The following PLA2G4C variants were observed in gnomAD, a reference collection of about 807,000 sequenced individuals.
PLA2G4C encodes cytosolic phospholipase A2 gamma.
PLA2G4C carries 64 observed loss-of-function variants against 73.8 expected under a neutral mutation model. The ratio of observed to expected loss-of-function variants is 0.87; its 90% CI spans 0.71 to 1.07. The LOEUF (loss-of-function observed/expected upper bound fraction) is 1.07. Ranked by LOEUF, PLA2G4C falls within the 50% of genes least tolerant of loss-of-function variation. PLA2G4C has a pLI of 0.00. For missense variants in PLA2G4C, 622 were observed against 665.4 expected, an observed-to-expected ratio of 0.93 and a Z score of 0.72; for synonymous variants, 254 against 252.1, an observed-to-expected ratio of 1.01 and a Z score of -0.07.
At chr19:48,066,565 G>C (rs893933052) in intron 13 of PLA2G4C, among the ~76,000 whole-genome samples, 1 of 152,052 alleles carries the variant, frequency 6.6e-6, no homozygotes, top group African/African-American at 2.4e-5. Flanking sequence ...TGGCCAGGGG[G>C]GCACATTTTG....
chr19:48,058,088 C>T (rs140582349), intron 14 of PLA2G4C, among the ~76,000 whole-genome samples: 6,809 of 151,558 alleles, frequency 0.045, 161 homozygotes, highest in Middle Eastern at 0.097. Flanking sequence ...CACCTGAGGT[C>T]GGGAGTTCAA....
At chr19:48,083,392 C>CTTTTTTTTTTTTTTTTTTTTTTTTTTTTT in intron 10 of PLA2G4C, among the ~76,000 whole-genome samples, 1 of 105,836 alleles carries the variant, frequency 9.4e-6, no homozygotes, top group African/African-American at 3.6e-5. Flanking sequence ...ATTTTCTTTT[C>CTTTTTTTTTTTTTTTTTTTTTTTTTTTTT]TTTTTTTTTT....
chr19:48,048,466 G>GTA, intron 16 of PLA2G4C, 78 bp from the exon 17 acceptor site: 1 of 982,122 alleles, frequency 1.0e-6, no homozygotes, highest in Non-Finnish European at 1.5e-6. Flanking sequence ...TAGAAGACCT[G>GTA]GAAGCCTCTA....
At chr19:48,073,381 G>A (rs551064957) in intron 12 of PLA2G4C, among the ~76,000 whole-genome samples, 2 of 152,164 alleles carry the variant, frequency 1.3e-5, no homozygotes, top group East Asian at 3.9e-4. Flanking sequence ...GTCGGGGATG[G>A]ACTTGCCTGT....
rs189497922 is a variant in PLA2G4C, at chr19:48,099,786, C to T, written c.332G>A (p.Arg111Gln). 120 of 1,613,804 alleles carry T rather than the reference C, an allele frequency of 7.4e-5. 1 individual carries two copies. The highest frequency in any genetic ancestry group is 3.3e-4 in the Middle Eastern group (2 of 6,056). ...LEADLKHRFT[R>Q]QEWDLAKSLQ... ...GCTCTTAGCCAAGTCCCACTCCTGT[C>T]GGGTAAATCGATGTTTCAGGTCAGC... The change falls in exon 5 of 17, where the codon CGA becomes CAA. Residue 111 changes from arginine (R) to glutamine (Q), a missense_variant. Physicochemically the swap from Arg to Gln is conservative, Grantham distance 43. Transcript: ENST00000599921.
At chr19:48,082,496 C>CTTTTTTTTTTTT (rs66641645) in intron 10 of PLA2G4C, among the ~76,000 whole-genome samples, 48 of 106,274 alleles carry the variant, frequency 4.5e-4, no homozygotes, top group African/African-American at 1.1e-3. Context: ...TTCTTTCTTT[C>CTTTTTTTTTTTT]TTTTTTTTTT....
chr19:48,094,121 A>T (rs760053556), intron 7 of PLA2G4C, among the ~76,000 whole-genome samples: 2 of 152,108 alleles, frequency 1.3e-5, no homozygotes, highest in Non-Finnish European at 2.9e-5. Flanking sequence ...TCTGTCCATG[A>T]TGCTTTTCCT....
rs1491313107 is a variant in PLA2G4C, at chr19:48,101,126, A to ATATTTTT, written c.258-1267_258-1266insAAAAATA. Among the ~76,000 whole-genome samples the ATATTTTT allele has an allele frequency of 8.2e-3, 604 of 74,076 alleles. 16 individuals are homozygous for ATATTTTT. The highest frequency in any genetic ancestry group is 0.031 in the African/African-American group (483 of 15,542). 48.6% of individuals were successfully genotyped at this position (74,076 alleles called of 152,430 possible). On this transcript the variant is annotated intron_variant, in intron 4 of 16. Coordinates refer to ENST00000599921, the MANE Select transcript of PLA2G4C (RefSeq NM_003706.3). ...AGTCTATATATATATATATATATAT[A>ATATTTTT]TTTTTTTTTTTTTTTTTGAGACAGG...
chr19:48,092,081 T>C (rs1426887830), intron 7 of PLA2G4C, among the ~76,000 whole-genome samples: 1 of 151,766 alleles, frequency 6.6e-6, no homozygotes, highest in Admixed American at 6.6e-5. Flanking sequence ...TTTTTTTTTT[T>C]TGAGATAGCC....
At chr19:48,064,567 G>C (rs898554362) in intron 13 of PLA2G4C, among the ~76,000 whole-genome samples, 3 of 152,166 alleles carry the variant, frequency 2.0e-5, no homozygotes, top group Admixed American at 2.0e-4. Context: ...AGTCTGTTTA[G>C]TAAACATTAT....
chr19:48,107,495 G>A (rs1312117013), intron 1 of PLA2G4C, among the ~76,000 whole-genome samples: 2 of 152,180 alleles, frequency 1.3e-5, no homozygotes, highest in Admixed American at 6.5e-5. Flanking sequence ...TGCCCGAATA[G>A]GGCCACTAGA....
intron 12 of PLA2G4C, among the ~76,000 whole-genome samples, chr19:48,069,879 C>T (rs1225098854): frequency 1.3e-5 from 2 of 152,196 alleles, no homozygotes; most frequent in Non-Finnish European, 2.9e-5. Context: ...ATTCTCCTGC[C>T]TCAGCCTCCC....
At chr19:48,055,250 A>G (rs1242078241) in intron 14 of PLA2G4C, among the ~76,000 whole-genome samples, 1 of 151,618 alleles carries the variant, frequency 6.6e-6, no homozygotes, top group Non-Finnish European at 1.5e-5. Flanking sequence ...CAGCCCACCT[A>G]GAGACAACAT....
chr19:48,071,686 C>A (rs985516203), intron 12 of PLA2G4C, among the ~76,000 whole-genome samples: 1 of 152,096 alleles, frequency 6.6e-6, no homozygotes, highest in African/African-American at 2.4e-5. Context: ...TGGCCTCAAG[C>A]GACCCTCCCG....
At chr19:48,098,338 T>A in intron 5 of PLA2G4C, 79 bp from the exon 6 acceptor site, 1 of 1,379,630 alleles carries the variant, frequency 7.2e-7, no homozygotes, top group Non-Finnish European at 9.8e-7. Flanking sequence ...TAGGCCACAT[T>A]TTTTTTTAGA....
At position 48,110,777 on chromosome 19, in the gene PLA2G4C, C is replaced by G; in HGVS notation, c.-323G>C. 2.5e-6 allele frequency: 1 copy of G among 398,612 alleles called. No homozygotes were observed. 24.7% of individuals were successfully genotyped at this position (398,612 alleles called of 1,614,324 possible). A position where few individuals can be genotyped will look rare whatever the true frequency, so the allele number is the denominator to read the frequency against. On this transcript the variant is annotated 5_prime_UTR_variant, in exon 1 of 17. Coordinates refer to ENST00000599921, the MANE Select transcript of PLA2G4C (RefSeq NM_003706.3). ...CCCTGCGCCTTTAAACAGCCCTCCT[C>G]GGCTTGTAGGCCCTGCTTGGTTGCT... is the stretch of plus-strand genomic sequence containing the variant.
intron 1 of PLA2G4C, among the ~76,000 whole-genome samples, chr19:48,107,659 G>C (rs764198989): frequency 1.3e-5 from 2 of 152,114 alleles, no homozygotes; most frequent in Admixed American, 1.3e-4. Context: ...ACCGCCTCCT[G>C]TGGAGGGCCT....
At chr19:48,104,816 C>T in intron 3 of PLA2G4C, 92 bp from the exon 4 acceptor site, 1 of 1,290,042 alleles carries the variant, frequency 7.8e-7, no homozygotes. Flanking sequence ...GGCACCGTGG[C>T]TCACGCCTGT....
intron 7 of PLA2G4C, among the ~76,000 whole-genome samples, chr19:48,093,836 C>T (rs2031435475): frequency 6.6e-6 from 1 of 152,136 alleles, no homozygotes; most frequent in African/African-American, 2.4e-5. Context: ...ATGCTGTACT[C>T]GTGATAGCGA....
Sources: gnomAD v4.1 joint callset for allele counts (sites outside exome capture counted in the v4.1 genomes callset) on GRCh38, gnomAD v4.1.1 for gene constraint, MANE v1.5 for transcripts, NCBI Gene and HGNC (gene_info 2026-07-23, HGNC 2026-07-21) for gene names.